OTOGL: variants seen among roughly 807,000 people sequenced by gnomAD.
OTOGL encodes the protein otogelin like, also known as otogelin-like protein.
OTOGL carries 285 observed loss-of-function variants against 318.5 expected under a neutral mutation model. The ratio of observed to expected loss-of-function variants is 0.89; its 90% CI spans 0.81 to 0.99. The LOEUF (loss-of-function observed/expected upper bound fraction) is 0.99, where lower values mean the gene tolerates loss of function less well. Ranked by LOEUF, OTOGL falls within the 50% of genes least tolerant of loss-of-function variation. The pLI is 0.00. For missense variants in OTOGL, 2,899 were observed against 2,845.6 expected (o/e 1.02, Z -0.43); for synonymous variants, 987 against 936.5 (o/e 1.05, Z -0.99).
intron 26 of OTOGL, among the ~76,000 whole-genome samples, chr12:80,286,164 A>T (rs932529283): frequency 6.6e-6 from 1 of 152,044 alleles, no homozygotes; most frequent in African/African-American, 2.4e-5. Flanking sequence ...GTTTTCTGTG[A>T]TGGATTAGAT....
rs746109956 is a variant in OTOGL, at chr12:80,251,652, T to C, written c.1053-41T>C. On this transcript the variant is annotated intron_variant, in intron 11 of 58. Transcript: ENST00000547103. ...ACCTCAATGGTATGGTTTCTGTCAA[T>C]ATTTCCTATGTGATTCTGGCTCTGT... 5.4e-6 allele frequency: 8 copies of C among 1,471,972 alleles called. 1 individual carries two copies. In the South Asian group the frequency reaches 8.6e-5, roughly 16 times the overall value. 91.2% of individuals were successfully genotyped at this position (1,471,972 alleles called of 1,614,324 possible). A position where few individuals can be genotyped will look rare whatever the true frequency, so the allele number is the denominator to read the frequency against.
chr12:80,148,953 T>G (rs910955265), intron 1 of OTOGL, among the ~76,000 whole-genome samples: 3 of 152,174 alleles, frequency 2.0e-5, no homozygotes, highest in African/African-American at 7.2e-5. Flanking sequence ...TTATACATTA[T>G]TCTAATTTTT....
intron 1 of OTOGL, among the ~76,000 whole-genome samples, chr12:80,200,744 A>G (rs1876396767): frequency 6.6e-6 from 1 of 152,234 alleles, no homozygotes; most frequent in Non-Finnish European, 1.5e-5. Context: ...TGTTCAGTCA[A>G]CAAATATTTT....
intron 43 of OTOGL, among the ~76,000 whole-genome samples, chr12:80,340,321 C>T (rs547169607): frequency 1.3e-5 from 2 of 152,004 alleles, no homozygotes; most frequent in Non-Finnish European, 2.9e-5. Flanking sequence ...CATGGTTCCT[C>T]ACTTGTTTAG....
chr12:80,333,680 A>G lies in OTOGL; in HGVS notation c.4422+602A>G, dbSNP rs76553735. On this transcript the variant is annotated intron_variant, in intron 38 of 58. Transcript: ENST00000547103. ...CTGAGATAGCCAATAAGCAAAATAA[A>G]TGAAGTTATATAAAATGTCAGAGGT... Among the ~76,000 whole-genome samples the G allele has an allele frequency of 7.1e-3, 1,087 of 152,296 alleles. 14 individuals are homozygous for G. Among genetic ancestry groups the G allele is most frequent in the African/African-American group, 0.025 (1,048 of 41,564 alleles).
intron 24 of OTOGL, among the ~76,000 whole-genome samples, chr12:80,272,587 G>A (rs775609319): frequency 1.3e-5 from 2 of 152,040 alleles, no homozygotes; most frequent in Non-Finnish European, 2.9e-5. Context: ...AGGCTGTGCA[G>A]AGGGAGTGCC....
intron 1 of OTOGL, among the ~76,000 whole-genome samples, chr12:80,119,999 T>C (rs1396548949): frequency 6.6e-6 from 1 of 152,176 alleles, no homozygotes; most frequent in Non-Finnish European, 1.5e-5. Flanking sequence ...ATAGTTTCTC[T>C]TCTCTTAGAA....
intron 28 of OTOGL, among the ~76,000 whole-genome samples, chr12:80,303,573 G>A (rs1365348196): frequency 6.6e-5 from 10 of 152,200 alleles, no homozygotes. Context: ...CTGACACTGG[G>A]TAATTTATAA....
chr12:80,217,749 C>T (rs1049715994), intron 5 of OTOGL, 85 bp downstream of exon 5: 21 of 998,534 alleles, frequency 2.1e-5, no homozygotes, highest in African/African-American at 3.3e-5. Flanking sequence ...TTATTGTTTC[C>T]GTATACCACA....
At chr12:80,223,486 G>A (rs905483763) in intron 7 of OTOGL, among the ~76,000 whole-genome samples, 1 of 151,966 alleles carries the variant, frequency 6.6e-6, no homozygotes, top group Non-Finnish European at 1.5e-5. Flanking sequence ...TCTACTTTTA[G>A]TTCTTTCAGG....
intron 9 of OTOGL, among the ~76,000 whole-genome samples, chr12:80,235,564 C>G (rs1242032778): frequency 6.6e-6 from 1 of 151,452 alleles, no homozygotes; most frequent in Admixed American, 6.6e-5. Context: ...AAAATAACAT[C>G]TGCTCTAGTT....
At chr12:80,182,405 T>C (rs1874987601) in intron 1 of OTOGL, among the ~76,000 whole-genome samples, 1 of 152,156 alleles carries the variant, frequency 6.6e-6, no homozygotes, top group South Asian at 2.1e-4. Flanking sequence ...TCCTTTAAAA[T>C]ATCTATACCA....
chr12:80,131,777 A>G (rs1871255380), intron 1 of OTOGL: 2 of 152,124 alleles, frequency 1.3e-5, no homozygotes. Flanking sequence ...GATAGATCTT[A>G]TTGTCTTTTT....
At chr12:80,320,112 A>G (rs967805907) in intron 33 of OTOGL, among the ~76,000 whole-genome samples, 1 of 152,194 alleles carries the variant, frequency 6.6e-6, no homozygotes, top group African/African-American at 2.4e-5. Flanking sequence ...ATGAAATTGT[A>G]CATTCTGGAG....
chr12:80,299,323 G>A (rs953827540), intron 27 of OTOGL, among the ~76,000 whole-genome samples: 3 of 152,072 alleles, frequency 2.0e-5, no homozygotes, highest in African/African-American at 7.2e-5. Flanking sequence ...CTAAGAACAA[G>A]GATGTTAAAA....
At chr12:80,343,300 C>T (rs2137950174) in intron 44 of OTOGL, among the ~76,000 whole-genome samples, 1 of 152,190 alleles carries the variant, frequency 6.6e-6, no homozygotes, top group African/African-American at 2.4e-5. Flanking sequence ...AGGACCTTCA[C>T]AGATATCAAA....
At position 80,135,269 on chromosome 12, in the gene OTOGL, C is replaced by CCTCCT. The variant is rs1235960084; in HGVS notation, c.-20+35668_-20+35669insTCTCC. Among the ~76,000 whole-genome samples, 27 of 128,212 alleles carry CCTCCT rather than the reference C, an allele frequency of 2.1e-4. 3 individuals carry two copies. Among genetic ancestry groups the CCTCCT allele is most frequent in the African/African-American group, 7.4e-4 (26 of 34,970 alleles). 84.1% of individuals were successfully genotyped at this position (128,212 alleles called of 152,430 possible). A position where few individuals can be genotyped will look rare whatever the true frequency, so the allele number is the denominator to read the frequency against. On this transcript the variant is annotated intron_variant, in intron 1 of 58. Coordinates refer to ENST00000547103, the MANE Select transcript of OTOGL (RefSeq NM_001378609.3). ...GAGCCCCTCCCCTCCCCTCCCCTCC[C>CCTCCT]CTCCCCTCCCCTTCCCTTCCCTTGA...
intron 22 of OTOGL, among the ~76,000 whole-genome samples, chr12:80,267,979 A>G (rs1883126133): frequency 1.3e-5 from 2 of 152,100 alleles, no homozygotes; most frequent in Non-Finnish European, 2.9e-5. Context: ...TCAAAAAAAA[A>G]AGCAATTTCA....
chr12:80,307,342 G>A (rs1227144916), intron 29 of OTOGL, among the ~76,000 whole-genome samples: 1 of 151,754 alleles, frequency 6.6e-6, no homozygotes, highest in Non-Finnish European at 1.5e-5. Context: ...CAGACGGGGT[G>A]GTGGCCGGGC....
Sources: gnomAD v4.1 joint callset for allele counts (sites outside exome capture counted in the v4.1 genomes callset) on GRCh38, gnomAD v4.1.1 for gene constraint, MANE v1.5 for transcripts, NCBI Gene and HGNC (gene_info 2026-07-23, HGNC 2026-07-21) for gene names.